Variants in VWA3B observed in about 807,000 individuals in gnomAD.
VWA3B encodes the protein von Willebrand factor A domain-containing protein 3B.
A neutral mutation model predicts 158.3 loss-of-function variants in VWA3B; 138 were observed. That is an observed-to-expected ratio of 0.87 (90% confidence interval 0.76 to 1.00). The LOEUF (loss-of-function observed/expected upper bound fraction) is 1.00, where lower values mean the gene tolerates loss of function less well. Among genes scored for constraint, VWA3B ranks in the 50% least tolerant of loss-of-function variants. The pLI is 0.00. For missense variants in VWA3B, 1,555 were observed against 1,565.1 expected, an observed-to-expected ratio of 0.99 and a Z score of 0.11; for synonymous variants, 596 against 587.3, an observed-to-expected ratio of 1.01 and a Z score of -0.21.
chr2:98,227,051 C>T (rs1188842945), intron 14 of VWA3B, among the ~76,000 whole-genome samples: 6 of 152,080 alleles, frequency 3.9e-5, no homozygotes, highest in East Asian at 1.9e-4. Context: ...CCAGGGCAAT[C>T]GGGCAAGAGA....
At chr2:98,174,963 C>T (rs1573985759) in intron 8 of VWA3B, among the ~76,000 whole-genome samples, 1 of 152,212 alleles carries the variant, frequency 6.6e-6, no homozygotes, top group African/African-American at 2.4e-5. Context: ...CCAGTGGCTA[C>T]AAATGATAAA....
intron 7 of VWA3B, among the ~76,000 whole-genome samples, chr2:98,161,763 G>A (rs1336872355): frequency 6.6e-6 from 1 of 152,142 alleles, no homozygotes; most frequent in East Asian, 1.9e-4. Flanking sequence ...CTGGAGTGCA[G>A]TGGTGTGATC....
intron 8 of VWA3B, 100 bp from the exon 9 acceptor site, chr2:98,180,916 G>T: frequency 8.5e-7 from 1 of 1,177,284 alleles, no homozygotes; most frequent in Non-Finnish European, 1.2e-6. Context: ...TGGGCTTTGT[G>T]TCTAATAAAG....
chr2:98,115,669 G>C lies in VWA3B; in HGVS notation c.214G>C (p.Gly72Arg). 1 of 1,613,688 alleles carries C rather than the reference G, an allele frequency of 6.2e-7. No homozygotes were observed. The highest frequency in any genetic ancestry group is 8.5e-7 in the Non-Finnish European group (1 of 1,179,928). Residue 72 changes from glycine (G) to arginine (R), a missense_variant, in exon 3 of 28, where the codon GGG (glycine) becomes CGG (arginine). Coordinates refer to ENST00000477737, the MANE Select transcript of VWA3B (RefSeq NM_144992.5). The stretch of plus-strand genomic sequence containing the variant: ...AAATGCAGATTATGTGGCGTCTCTG[G>C]GGAGACCTGTGGCTTCTCGGTATGC... The part of the protein sequence containing the change: ...PHCEDYVASL[G>R]RPVASRYADG...
chr2:98,137,208 T>C (rs1676351297), intron 7 of VWA3B, among the ~76,000 whole-genome samples: 1 of 152,166 alleles, frequency 6.6e-6, no homozygotes, highest in Non-Finnish European at 1.5e-5. Context: ...ATTTTTAATG[T>C]TTTTTCCAGA....
At chr2:98,327,035 C>A in the VWA3B span, among the ~76,000 whole-genome samples, 25 of 151,956 alleles carry the variant, frequency 1.6e-4, no homozygotes, top group Admixed American at 1.6e-3. Context: ...AGACTCACGC[C>A]TGTAATCCCA....
At chr2:98,211,475 T>C (rs959381010) in intron 12 of VWA3B, among the ~76,000 whole-genome samples, 2 of 152,252 alleles carry the variant, frequency 1.3e-5, no homozygotes, top group African/African-American at 4.8e-5. Flanking sequence ...TAATGTTAGA[T>C]ATGCCCACAT....
chr2:98,196,046 A>T (rs1682012495), intron 12 of VWA3B, among the ~76,000 whole-genome samples: 1 of 152,222 alleles, frequency 6.6e-6, no homozygotes, highest in African/African-American at 2.4e-5. Context: ...TCTCACTTAT[A>T]TGTAGAATCT....
chr2:98,184,568 G>A (rs1051034197), intron 9 of VWA3B, among the ~76,000 whole-genome samples: 3 of 152,196 alleles, frequency 2.0e-5, no homozygotes, highest in East Asian at 1.9e-4. Flanking sequence ...ATTGCCATGC[G>A]GCTCTGAACA....
Position 98,119,747 on chromosome 2 carries a change from G to C in VWA3B, c.526G>C (p.Glu176Gln), listed in dbSNP as rs543314868. 2.5e-6 allele frequency: 4 copies of C among 1,614,118 alleles called. No homozygotes were observed. Among genetic ancestry groups the C allele is most frequent in the Non-Finnish European group, 3.4e-6 (4 of 1,180,020 alleles). The change falls in exon 4 of 28, where the codon GAG becomes CAG. Residue 176 changes from glutamate to glutamine, a missense_variant. By Grantham distance (29) the Glu-to-Gln change is conservative. Transcript: ENST00000477737. ...VLQEQVAHITEFNIIRVSQEP... is the reference protein window; with the variant it reads ...VLQEQVAHITQFNIIRVSQEP... ...CCAGGAGCAGGTGGCTCACATAACC[G>C]AGTTCAATATCATACGGTGAGTTCC... is the stretch of plus-strand genomic sequence containing the variant.
intron 8 of VWA3B, among the ~76,000 whole-genome samples, chr2:98,168,980 T>C (rs1389804286): frequency 2.0e-5 from 3 of 152,014 alleles, no homozygotes; most frequent in Non-Finnish European, 4.4e-5. Flanking sequence ...GACCCAGAGA[T>C]CCAAGAAGTT....
intron 8 of VWA3B, among the ~76,000 whole-genome samples, chr2:98,177,693 T>C (rs1264969062): frequency 6.6e-6 from 1 of 152,102 alleles, no homozygotes; most frequent in Non-Finnish European, 1.5e-5. Flanking sequence ...CCTTTTCAGA[T>C]GGTAATTGGG....
chr2:98,151,172 G>T (rs1677595422), intron 7 of VWA3B, among the ~76,000 whole-genome samples: 1 of 151,742 alleles, frequency 6.6e-6, no homozygotes, highest in Non-Finnish European at 1.5e-5. Context: ...GAGTTCAGTG[G>T]TACGATCTCT....
At chr2:98,146,922 A>G (rs1677215115) in intron 7 of VWA3B, among the ~76,000 whole-genome samples, 1 of 152,210 alleles carries the variant, frequency 6.6e-6, no homozygotes, top group Non-Finnish European at 1.5e-5. Flanking sequence ...GTCTTCATCA[A>G]CTGTGTGGAG....
chr2:98,155,728 A>G (rs1256126120), intron 7 of VWA3B, among the ~76,000 whole-genome samples: 1 of 152,092 alleles, frequency 6.6e-6, no homozygotes, highest in African/African-American at 2.4e-5. Context: ...TTATGAAGAT[A>G]TGGATGACAG....
At chr2:98,147,656 A>G (rs1677273287) in intron 7 of VWA3B, among the ~76,000 whole-genome samples, 1 of 152,196 alleles carries the variant, frequency 6.6e-6, no homozygotes, top group Admixed American at 6.6e-5. Flanking sequence ...TTTTGCTATC[A>G]GAGATCATAC....
intron 1 of VWA3B, among the ~76,000 whole-genome samples, chr2:98,092,492 A>G (rs1373019647): frequency 5.3e-5 from 8 of 152,014 alleles, no homozygotes; most frequent in Admixed American, 5.2e-4. Context: ...ACAATACAAA[A>G]ATTAGCTGGG....
chr2:98,304,333 G>A (rs986076988), intron 26 of VWA3B, among the ~76,000 whole-genome samples: 2 of 152,104 alleles, frequency 1.3e-5, no homozygotes, highest in Non-Finnish European at 2.9e-5. Context: ...GAGCAAACAC[G>A]AACCCAAGTC....
At chr2:98,229,395 G>A (rs984481235) in intron 15 of VWA3B, among the ~76,000 whole-genome samples, 1 of 152,252 alleles carries the variant, frequency 6.6e-6, no homozygotes, top group African/African-American at 2.4e-5. Flanking sequence ...AGGGGCAGTG[G>A]TGCAGGAGGG....
Sources: gnomAD v4.1 joint callset for allele counts (sites outside exome capture counted in the v4.1 genomes callset) on GRCh38, gnomAD v4.1.1 for gene constraint, MANE v1.5 for transcripts, NCBI Gene and HGNC (gene_info 2026-07-23, HGNC 2026-07-21) for gene names.